Variants in TOX3 observed in about 807,000 individuals in gnomAD.
The protein encoded by TOX3 is TOX high mobility group box family member 3.
TOX3 carries 22 observed loss-of-function variants against 64.3 expected under a neutral mutation model. The ratio of observed to expected loss-of-function variants is 0.34; its 90% confidence interval spans 0.24 to 0.49. The LOEUF (loss-of-function observed/expected upper bound fraction) is 0.49, where lower values mean the gene tolerates loss of function less well. TOX3 is among the 20% of genes least tolerant of loss of function. The pLI is 0.99. For synonymous variants in TOX3, 291 were observed against 273.6 expected, an observed-to-expected ratio of 1.06 and a Z score of -0.63; for missense variants, 661 against 714.4, an observed-to-expected ratio of 0.93 and a Z score of 0.85.
intron 1 of TOX3, among the ~76,000 whole-genome samples, chr16:52,515,517 G>A (rs1714219842): frequency 6.6e-6 from 1 of 152,170 alleles, no homozygotes; most frequent in African/African-American, 2.4e-5. Flanking sequence ...AAGCTGGGCG[G>A]TTTGTGTTTA....
At chr16:52,514,240 A>G (rs45454402) in intron 1 of TOX3, among the ~76,000 whole-genome samples, 4,898 of 152,298 alleles carry the variant, frequency 0.032, 220 homozygotes, top group East Asian at 0.16. Context: ...CTCCACATCC[A>G]TGTTGCTCCA....
At chr16:52,529,147 G>C (rs1962791234) in intron 1 of TOX3, among the ~76,000 whole-genome samples, 1 of 152,172 alleles carries the variant, frequency 6.6e-6, no homozygotes, top group Non-Finnish European at 1.5e-5. Context: ...ATAAGAGAGT[G>C]CAAACATTAA....
rs754460093 is a variant in TOX3 at position 52,468,536 on chromosome 16, C to T, written c.126G>A (p.Ala42=). The change falls in exon 2 of 7, where the codon GCG becomes GCA. Residue 42 remains alanine, a synonymous_variant. Transcript: ENST00000219746. ...CACTGGCAGCGAAGAACGCATTGTT[C>T]GCCTCAGCCATATTCATATAGTTAT... ...NNNNYMNMAE[A]NNAFFAASEQ... 5 of 1,613,038 alleles carry T rather than the reference C, an allele frequency of 3.1e-6. No homozygotes were observed. The highest frequency in any genetic ancestry group is 4.2e-6 in the Non-Finnish European group (5 of 1,179,344).
rs60615310 is a variant in TOX3 at position 52,440,752 on chromosome 16, C to CTTTTTT, written c.988-790_988-785dup. On this transcript the variant is annotated intron_variant, in intron 6 of 6. Coordinates refer to ENST00000219746, the MANE Select transcript of TOX3 (RefSeq NM_001080430.4). ...GGTTATATGGTATTTTTCTTTCTTT[C>CTTTTTT]TTTTTTTTTTTTTTTTTTTTTTTTT... Among the ~76,000 whole-genome samples, 380 of 66,616 alleles carry CTTTTTT rather than the reference C, an allele frequency of 5.7e-3. 7 individuals carry two copies. Among genetic ancestry groups the CTTTTTT allele is most frequent in the East Asian group, 0.026 (34 of 1,316 alleles). The allele number at this position is 66,616 out of a possible 152,430, so 43.7% of individuals were successfully genotyped here.
chr16:52,474,193 C>T (rs1393509763), intron 1 of TOX3, among the ~76,000 whole-genome samples: 1 of 152,162 alleles, frequency 6.6e-6, no homozygotes, highest in African/African-American at 2.4e-5. Context: ...AATCCTCTCT[C>T]TCTGTCTCCC....
chr16:52,498,844 C>G (rs949526964), intron 1 of TOX3, among the ~76,000 whole-genome samples: 10 of 152,194 alleles, frequency 6.6e-5, no homozygotes, highest in Non-Finnish European at 5.9e-5. Context: ...CCTGCGCCAT[C>G]GAAAGACAAT....
chr16:52,445,866 A>G, intron 5 of TOX3, 128 bp downstream of exon 5: 1 of 880,844 alleles, frequency 1.1e-6, no homozygotes, highest in Non-Finnish European at 1.7e-6. Flanking sequence ...TTTAAATTCC[A>G]TTGCTTAGAA....
intron 1 of TOX3, among the ~76,000 whole-genome samples, chr16:52,510,917 T>A (rs892851653): frequency 6.6e-6 from 1 of 152,132 alleles, no homozygotes; most frequent in African/African-American, 2.4e-5. Context: ...AAATTTTGGA[T>A]GCCACTATGC....
At chr16:52,497,095 C>T (rs1327169116) in intron 1 of TOX3, among the ~76,000 whole-genome samples, 1 of 152,078 alleles carries the variant, frequency 6.6e-6, no homozygotes, top group Non-Finnish European at 1.5e-5. Flanking sequence ...TGCTACTTTG[C>T]TAAAAAAGCA....
chr16:52,516,449 A>G (rs1353099999), intron 1 of TOX3, among the ~76,000 whole-genome samples: 1 of 152,222 alleles, frequency 6.6e-6, no homozygotes, highest in Admixed American at 6.5e-5. Context: ...AAAAGTTGGC[A>G]ACAGAGCCAA....
intron 2 of TOX3, among the ~76,000 whole-genome samples, chr16:52,465,470 G>A (rs1456539676): frequency 9.6e-6 from 1 of 103,996 alleles, no homozygotes; most frequent in Non-Finnish European, 1.9e-5. Flanking sequence ...TTTCTTTTTG[G>A]TTTTTTTTTT....
chr16:52,532,271 C>A (rs1431045558), intron 1 of TOX3, among the ~76,000 whole-genome samples: 2 of 152,196 alleles, frequency 1.3e-5, no homozygotes, highest in African/African-American at 2.4e-5. Flanking sequence ...CGTCCTCTCC[C>A]CTAGAACCTG....
chr16:52,444,499 GCACACACA>G (rs200173557), intron 5 of TOX3, 143 bp from the exon 6 acceptor site: 111 of 380,842 alleles, frequency 2.9e-4, no homozygotes, highest in South Asian at 2.1e-3. Flanking sequence ...GTTAGCGCAT[GCACACACA>G]CACACACACA....
chr16:52,445,075 A>T (rs1960123113), intron 5 of TOX3: 1 of 152,206 alleles, frequency 6.6e-6, no homozygotes, highest in South Asian at 2.1e-4. Flanking sequence ...GCACTTTTCC[A>T]GTCCCTCAGA....
At chr16:52,539,969 G>T (rs1251144415) in intron 1 of TOX3, among the ~76,000 whole-genome samples, 2 of 151,942 alleles carry the variant, frequency 1.3e-5, no homozygotes, top group Non-Finnish European at 2.9e-5. Context: ...ACCTCAACTG[G>T]GTGATGGCAT....
At chr16:52,479,065 A>G (rs147574276) in intron 1 of TOX3, among the ~76,000 whole-genome samples, 1 of 152,326 alleles carries the variant, frequency 6.6e-6, no homozygotes, top group Non-Finnish European at 1.5e-5. Flanking sequence ...AATAGAAAAG[A>G]CATATATGAC....
intron 1 of TOX3, among the ~76,000 whole-genome samples, chr16:52,506,823 T>C (rs766493530): frequency 6.6e-6 from 1 of 152,206 alleles, no homozygotes; most frequent in African/African-American, 2.4e-5. Flanking sequence ...CTGACTCTCC[T>C]TAGAATGTCC....
At chr16:52,546,614 GC>G in intron 1 of TOX3, 22 bp downstream of exon 1, 1 of 1,532,380 alleles carries the variant, frequency 6.5e-7, no homozygotes. Flanking sequence ...CCGCCCCCCG[GC>G]CCACCGGCCC....
At chr16:52,514,322 T>C (rs145576786) in intron 1 of TOX3, among the ~76,000 whole-genome samples, 1 of 152,220 alleles carries the variant, frequency 6.6e-6, no homozygotes, top group Non-Finnish European at 1.5e-5. Context: ...AGACACTTTT[T>C]TGTTTCAATA....
Sources: gnomAD v4.1 joint callset for allele counts (sites outside exome capture counted in the v4.1 genomes callset) on GRCh38, gnomAD v4.1.1 for gene constraint, MANE v1.5 for transcripts, NCBI Gene and HGNC (gene_info 2026-07-23, HGNC 2026-07-21) for gene names.